DTNB: variants seen among roughly 807,000 people sequenced by gnomAD.
DTNB encodes dystrobrevin beta.
A neutral mutation model predicts 90.7 loss-of-function variants in DTNB; 63 were observed. That is an observed-to-expected ratio of 0.69 (90% CI 0.57 to 0.86). DTNB has a LOEUF of 0.86. Among genes scored for constraint, DTNB ranks in the 40% least tolerant of loss-of-function variants. The probability of loss-of-function intolerance (pLI) is 0.00; values close to 1 mark genes in which losing one functional copy is unlikely to be tolerated. For synonymous variants in DTNB, 277 were observed against 286.7 expected, an observed-to-expected ratio of 0.97 and a Z score of 0.34; for missense variants, 744 against 807.1, an observed-to-expected ratio of 0.92 and a Z score of 0.95.
At chr2:25,617,724 A>C (rs1170443601) in intron 4 of DTNB, among the ~76,000 whole-genome samples, 2 of 152,142 alleles carry the variant, frequency 1.3e-5, no homozygotes, top group Non-Finnish European at 2.9e-5. Flanking sequence ...ATAAAAATAC[A>C]AAAATTAGCC....
chr2:25,648,320 G>A (rs990431554), intron 2 of DTNB, among the ~76,000 whole-genome samples: 5 of 152,130 alleles, frequency 3.3e-5, no homozygotes, highest in African/African-American at 1.2e-4. Flanking sequence ...TTCTCATAAT[G>A]CTTAGAGTCT....
At position 25,395,249 on chromosome 2, in the gene DTNB, G is replaced by A. The variant is rs150925688; in HGVS notation, c.1576-6888C>T. Among the ~76,000 whole-genome samples the A allele has an allele frequency of 3.3e-3, 501 of 152,136 alleles. 6 individuals carry two copies. The highest frequency in any genetic ancestry group is 0.012 in the African/African-American group (483 of 41,508). ...CGGGGAAAGGGTGGGGTGTGGAAAA[G>A]GATAAAAGACTACACATGGGGTACA... On this transcript the variant is annotated intron_variant, in intron 16 of 20. Coordinates refer to ENST00000406818, the MANE Select transcript of DTNB (RefSeq NM_021907.5).
intron 15 of DTNB, 93 bp downstream of exon 15, chr2:25,427,442 G>A (rs1000549675): frequency 7.2e-6 from 9 of 1,258,554 alleles, no homozygotes; most frequent in Non-Finnish European, 1.0e-5. Flanking sequence ...CAAGCCTTTG[G>A]CCTCATCCTA....
intron 12 of DTNB, among the ~76,000 whole-genome samples, chr2:25,439,170 T>C (rs2056752557): frequency 6.6e-6 from 1 of 152,150 alleles, no homozygotes; most frequent in South Asian, 2.1e-4. Context: ...ATTGCTTCAC[T>C]AATTGCAATG....
chr2:25,621,725 G>A (rs2072737857), intron 4 of DTNB, among the ~76,000 whole-genome samples: 1 of 150,556 alleles, frequency 6.6e-6, no homozygotes, highest in Non-Finnish European at 1.5e-5. Context: ...CCAAAGTGCT[G>A]GGATTACAGG....
At chr2:25,628,468 G>C in intron 3 of DTNB, 84 bp from the exon 4 acceptor site, 2 of 1,279,746 alleles carry the variant, frequency 1.6e-6, no homozygotes, top group Admixed American at 4.9e-5. Context: ...TTATCAACTA[G>C]TTCTTAAGTT....
intron 9 of DTNB, among the ~76,000 whole-genome samples, chr2:25,512,248 G>A (rs1275928233): frequency 6.6e-6 from 1 of 152,142 alleles, no homozygotes; most frequent in Non-Finnish European, 1.5e-5. Flanking sequence ...ACTACTCTTT[G>A]GTTGCCTTCC....
At chr2:25,663,598 C>T (rs1008984904) in intron 1 of DTNB, among the ~76,000 whole-genome samples, 15 of 152,096 alleles carry the variant, frequency 9.9e-5, no homozygotes, top group Non-Finnish European at 2.1e-4. Flanking sequence ...TAAGTCTTAT[C>T]CTGAGTGTTT....
intron 9 of DTNB, among the ~76,000 whole-genome samples, chr2:25,511,802 T>C (rs143712767): frequency 6.6e-6 from 1 of 152,288 alleles, no homozygotes; most frequent in African/African-American, 2.4e-5. Context: ...ATGGAGAAGC[T>C]CTTCACAAGA....
chr2:25,552,701 C>T (rs1171496166), intron 8 of DTNB, among the ~76,000 whole-genome samples: 1 of 152,174 alleles, frequency 6.6e-6, no homozygotes, highest in Non-Finnish European at 1.5e-5. Flanking sequence ...ATTGTACTTA[C>T]AGATTACTTT....
intron 6 of DTNB, among the ~76,000 whole-genome samples, chr2:25,583,501 G>A (rs1454175438): frequency 6.6e-6 from 1 of 151,302 alleles, no homozygotes; most frequent in East Asian, 1.9e-4. Flanking sequence ...CTACCATGGA[G>A]TTTTTGTGTT....
chr2:25,385,475 T>C (rs1432510127), intron 18 of DTNB, among the ~76,000 whole-genome samples: 1 of 152,172 alleles, frequency 6.6e-6, no homozygotes, highest in Admixed American at 6.5e-5. Context: ...TTGGTCCACG[T>C]CTACCTACAG....
chr2:25,397,380 AAGAAGCCAGTCAC>A (rs1294485882), intron 16 of DTNB, among the ~76,000 whole-genome samples: 52 of 151,708 alleles, frequency 3.4e-4, no homozygotes, highest in African/African-American at 9.4e-4. Context: ...TGCTACGTGC[AAGAAGCCAGTCAC>A]AGAAGCCAGT....
rs1357048749 is a variant in DTNB at position 25,639,000 on chromosome 2, T to C, written c.148+14A>G. ...TCTATCCAGCTATCACAGAAATGAG[T>C]AGAAATGACTCACGGTTGCATCGTT... On this transcript the variant is annotated intron_variant, in intron 3 of 20. Coordinates refer to ENST00000406818, the MANE Select transcript of DTNB (RefSeq NM_021907.5). The C allele has an allele frequency of 1.3e-6, 2 of 1,565,632 alleles. No homozygotes were observed. The highest frequency in any genetic ancestry group is 1.2e-5 in the South Asian group (1 of 84,422).
In DTNB at chr2:25,616,954, G is replaced by GAAAAA. The variant is rs900643862; in HGVS notation, c.363-9638_363-9634dup. 1.3e-3 allele frequency among the ~76,000 whole-genome samples: 130 copies of GAAAAA among 97,422 alleles called. 17 individuals are homozygous for GAAAAA. Among genetic ancestry groups the GAAAAA allele is most frequent in the African/African-American group, 1.9e-3 (45 of 23,364 alleles). 63.9% of individuals were successfully genotyped at this position (97,422 alleles called of 152,430 possible). A position where few individuals can be genotyped will look rare whatever the true frequency, so the allele number is the denominator to read the frequency against. On this transcript the variant is annotated intron_variant, in intron 4 of 20. Coordinates refer to ENST00000406818, the MANE Select transcript of DTNB (RefSeq NM_021907.5). ...CTCAAAAAAAAAAAAAAAAAAAAAGGAAAAAAAAGACTCATTAACCCCTCA... is the reference window on the plus strand; with the variant it reads ...CTCAAAAAAAAAAAAAAAAAAAAAGGAAAAAAAAAAAAAGACTCATTAACCCCTCA...
At chr2:25,407,779 G>A (rs568205856) in intron 16 of DTNB, among the ~76,000 whole-genome samples, 32 of 152,300 alleles carry the variant, frequency 2.1e-4, no homozygotes, top group South Asian at 1.0e-3. Flanking sequence ...GAAGGGAGAG[G>A]TTGGGAGGGG....
chr2:25,589,352 GTTTC>G (rs2063061949), intron 6 of DTNB, among the ~76,000 whole-genome samples: 2 of 96,028 alleles, frequency 2.1e-5, no homozygotes, highest in Admixed American at 1.1e-4. Context: ...GCTTATTCAG[GTTTC>G]TTTTTCTTTT....
At chr2:25,461,609 T>TA (rs1420148242) in intron 10 of DTNB, among the ~76,000 whole-genome samples, 2 of 152,126 alleles carry the variant, frequency 1.3e-5, no homozygotes, top group South Asian at 2.1e-4. Flanking sequence ...AGGTGATGCC[T>TA]AAATACCCAA....
rs866779263 is a variant in DTNB, at chr2:25,633,699, T to C, written c.148+5315A>G. Among the ~76,000 whole-genome samples the C allele has an allele frequency of 9.6e-5, 14 of 145,162 alleles. 1 individual carries two copies. The highest frequency in any genetic ancestry group is 4.5e-4 in the South Asian group (2 of 4,426). The stretch of plus-strand genomic sequence containing the variant: ...ATGAGGAGCGTCTCTGCCCGGCCGC[T>C]ATCCCATCTAGGAAGTGAGGAGCGC... On this transcript the variant is annotated intron_variant, in intron 3 of 20. Transcript: ENST00000406818.
Sources: gnomAD v4.1 joint callset for allele counts (sites outside exome capture counted in the v4.1 genomes callset) on GRCh38, gnomAD v4.1.1 for gene constraint, MANE v1.5 for transcripts, NCBI Gene and HGNC (gene_info 2026-07-23, HGNC 2026-07-21) for gene names.